Variants in CARNMT1 observed in about 807,000 individuals in gnomAD.
CARNMT1 encodes the protein protein-L-histidine N-pros-methyltransferase CARNMT1.
In CARNMT1, 28 loss-of-function variants were observed where a neutral mutation model predicts 49.6. That is an observed-to-expected ratio of 0.56 (90% CI 0.42 to 0.77). The LOEUF (loss-of-function observed/expected upper bound fraction) is 0.77. Among genes scored for constraint, CARNMT1 ranks in the 30% least tolerant of loss-of-function variants. The pLI is 0.00. For missense variants in CARNMT1, 421 were observed against 512.6 expected (o/e 0.82, Z 1.73); for synonymous variants, 178 against 175.0 (o/e 1.02, Z -0.13).
intron 6 of CARNMT1, 80 bp downstream of exon 6, chr9:74,996,367 G>A (rs1564094735): frequency 1.9e-5 from 14 of 720,258 alleles, no homozygotes; most frequent in Non-Finnish European, 1.4e-5. Flanking sequence ...ATGCACATTT[G>A]AGACTGTGAA....
At chr9:74,987,591 A>C (rs1287167874) in intron 6 of CARNMT1, among the ~76,000 whole-genome samples, 1 of 152,176 alleles carries the variant, frequency 6.6e-6, no homozygotes, top group Non-Finnish European at 1.5e-5. Flanking sequence ...ATAGTAACAG[A>C]ATCCAAAGTA....
At chr9:75,021,270 ATATATACATAG>A (rs889557000) in intron 1 of CARNMT1, among the ~76,000 whole-genome samples, 8 of 132,498 alleles carry the variant, frequency 6.0e-5, no homozygotes, top group East Asian at 3.9e-4. Flanking sequence ...GTATATATGT[ATATATACATAG>A]TATATACATA....
At chr9:75,018,130 C>T (rs1220529002) in intron 1 of CARNMT1, among the ~76,000 whole-genome samples, 2 of 152,118 alleles carry the variant, frequency 1.3e-5, no homozygotes, top group Non-Finnish European at 2.9e-5. Context: ...GGCACAGTCT[C>T]GGCTCACTGC....
chr9:75,020,424 T>C (rs1056547924), intron 1 of CARNMT1, among the ~76,000 whole-genome samples: 1 of 151,838 alleles, frequency 6.6e-6, no homozygotes, highest in East Asian at 1.9e-4. Context: ...CGCGCCACCA[T>C]GCCCAGCTGA....
chr9:74,993,244 A>T (rs1833083231), intron 6 of CARNMT1, among the ~76,000 whole-genome samples: 1 of 152,182 alleles, frequency 6.6e-6, no homozygotes, highest in African/African-American at 2.4e-5. Flanking sequence ...AGAAATACAG[A>T]ATACTTAACC....
At chr9:75,022,099 T>A (rs1347957748) in intron 1 of CARNMT1, among the ~76,000 whole-genome samples, 1 of 152,146 alleles carries the variant, frequency 6.6e-6, no homozygotes, top group Non-Finnish European at 1.5e-5. Flanking sequence ...CTACTGGGCA[T>A]TTAGACACTC....
intron 7 of CARNMT1, 44 bp downstream of exon 7, chr9:74,984,863 T>G (rs1220777478): frequency 8.0e-7 from 1 of 1,253,624 alleles, no homozygotes; most frequent in East Asian, 2.3e-5. Flanking sequence ...TCTGTTGAGG[T>G]GCTTTGGGAG....
chr9:74,996,614 TTTAA>T (rs1002429053), intron 5 of CARNMT1, 54 bp from the exon 6 acceptor site: 33 of 994,678 alleles, frequency 3.3e-5, no homozygotes, highest in East Asian at 7.3e-5. Context: ...GCTTTTTTCT[TTTAA>T]TTAATTATTT....
intron 5 of CARNMT1, among the ~76,000 whole-genome samples, chr9:74,997,302 A>C (rs755518958): frequency 2.6e-5 from 4 of 152,172 alleles, no homozygotes; most frequent in Non-Finnish European, 5.9e-5. Flanking sequence ...CTTCCTTCAG[A>C]GTACAGGTTG....
At chr9:75,027,515 G>A in intron 1 of CARNMT1, 2 of 978,304 alleles carry the variant, frequency 2.0e-6, no homozygotes, top group African/African-American at 1.7e-5. Flanking sequence ...AGGGGTGGGT[G>A]GAAATCTTAA....
intron 3 of CARNMT1, among the ~76,000 whole-genome samples, chr9:75,013,407 TAA>T (rs1833756923): frequency 6.6e-6 from 1 of 152,192 alleles, no homozygotes; most frequent in African/African-American, 2.4e-5. Flanking sequence ...AAATAAAAAT[TAA>T]AGTTATACCT....
At position 74,983,521 on chromosome 9, in the gene CARNMT1, A is replaced by C. The variant is rs964992443; in HGVS notation, c.*246T>G. On this transcript the variant is annotated 3_prime_UTR_variant, in exon 8 of 8. Coordinates refer to ENST00000376834, the MANE Select transcript of CARNMT1 (RefSeq NM_152420.3). The stretch of plus-strand genomic sequence containing the variant: ...GAAACACAATTCTGGGCTTCAAGGA[A>C]AAAGTATACTTCAAGACATTTCCTC... 3.3e-6 allele frequency: 1 copy of C among 301,512 alleles called. No individual in the cohort carries two copies. The highest frequency in any genetic ancestry group is 2.1e-5 in the African/African-American group (1 of 46,526). The allele number at this position is 301,512 out of a possible 1,614,324, so 18.7% of individuals were successfully genotyped here.
intron 1 of CARNMT1, among the ~76,000 whole-genome samples, chr9:75,019,853 T>A (rs1833945743): frequency 5.9e-5 from 9 of 152,368 alleles, no homozygotes. Context: ...AACCACAGGC[T>A]GCAGTCACTA....
intron 3 of CARNMT1, among the ~76,000 whole-genome samples, chr9:75,011,901 G>A (rs1199126734): frequency 6.6e-6 from 1 of 152,142 alleles, no homozygotes; most frequent in Non-Finnish European, 1.5e-5. Context: ...AATGAAATAT[G>A]AGTGACAGAT....
At chr9:75,014,529 G>A (rs1181107811) in intron 3 of CARNMT1, among the ~76,000 whole-genome samples, 1 of 152,116 alleles carries the variant, frequency 6.6e-6, no homozygotes, top group Non-Finnish European at 1.5e-5. Context: ...CATACATAAT[G>A]CAAGGGAAAG....
chr9:74,999,110 T>C (rs1433028159), intron 4 of CARNMT1, among the ~76,000 whole-genome samples: 1 of 152,158 alleles, frequency 6.6e-6, no homozygotes, highest in African/African-American at 2.4e-5. Context: ...CTAAAACAGT[T>C]TGCTATTTTT....
chr9:75,012,488 T>TGTTA (rs1833722638), intron 3 of CARNMT1, among the ~76,000 whole-genome samples: 1 of 152,032 alleles, frequency 6.6e-6, no homozygotes, highest in Non-Finnish European at 1.5e-5. Flanking sequence ...GGTTTCGCCA[T>TGTTA]GTTAGCCAGG....
rs1212698362 is a variant in CARNMT1 at position 74,983,541 on chromosome 9, T to C, written c.*226A>G. Reference sequence around the variant, plus strand: ...AAGGAAAAAGTATACTTCAAGACATTTCCTCCATTTTTACTTGTGTAGTAC... The same window carrying C: ...AAGGAAAAAGTATACTTCAAGACATCTCCTCCATTTTTACTTGTGTAGTAC... On this transcript the variant is annotated 3_prime_UTR_variant, in exon 8 of 8. Transcript: ENST00000376834. 1 of 347,586 alleles carries C rather than the reference T, an allele frequency of 2.9e-6. No individual in the cohort carries two copies. The highest frequency in any genetic ancestry group is 5.2e-6 in the Non-Finnish European group (1 of 191,934). The allele number at this position is 347,586 out of a possible 1,614,324, so 21.5% of individuals were successfully genotyped here.
chr9:75,007,745 T>C (rs9410749), intron 3 of CARNMT1, among the ~76,000 whole-genome samples: 1 of 119,052 alleles, frequency 8.4e-6, no homozygotes, highest in Non-Finnish European at 1.7e-5. Flanking sequence ...ATAAAAATAA[T>C]AAAAAAAAAA....
Sources: allele counts gnomAD v4.1 joint callset (sites outside exome capture counted in the v4.1 genomes callset), GRCh38; gene constraint gnomAD v4.1.1; transcripts MANE v1.5; gene names NCBI Gene and HGNC (gene_info 2026-07-23, HGNC 2026-07-21).